The following MXRA7 variants were observed in gnomAD, a reference collection of about 807,000 sequenced individuals.
MXRA7 encodes matrix-remodeling-associated protein 7.
MXRA7 carries 18 observed loss-of-function variants against 17.4 expected under a neutral mutation model. The ratio of observed to expected loss-of-function variants is 1.03; its 90% CI spans 0.71 to 1.53. The LOEUF (loss-of-function observed/expected upper bound fraction) is 1.53. MXRA7 is among the 40% of genes most tolerant of loss of function. The probability of loss-of-function intolerance (pLI) is 0.00; values close to 1 mark genes in which losing one functional copy is unlikely to be tolerated. For missense variants in MXRA7, 141 were observed against 209.3 expected, an observed-to-expected ratio of 0.67 and a Z score of 2.01; for synonymous variants, 70 against 101.7, an observed-to-expected ratio of 0.69 and a Z score of 1.87.
At chr17:76,702,891 C>CATACG (rs2076611213) in intron 1 of MXRA7, among the ~76,000 whole-genome samples, 1 of 53,122 alleles carries the variant, frequency 1.9e-5, no homozygotes, top group Non-Finnish European at 4.5e-5. Context: ...ATATATATAT[C>CATACG]TTGAGGAGGC....
At chr17:76,684,102 G>A (rs536020993) in intron 3 of MXRA7, among the ~76,000 whole-genome samples, 40 of 152,102 alleles carry the variant, frequency 2.6e-4, no homozygotes, top group African/African-American at 8.7e-4. Context: ...TGCCAGCAGC[G>A]GGAGGGGAGA....
At chr17:76,674,376 G>A (rs755383336) in exon 4 of MXRA7, 12 of 152,230 alleles carry the variant, frequency 7.9e-5, no homozygotes, top group Non-Finnish European at 1.2e-4. Flanking sequence ...AATCTCAGAT[G>A]AGGTAGCAGA....
At chr17:76,685,231 C>A in intron 2 of MXRA7, 66 bp from the exon 3 acceptor site, 1 of 1,214,890 alleles carries the variant, frequency 8.2e-7, no homozygotes. Flanking sequence ...ACCCCGGCCC[C>A]CTTTCCCTAG....
Position 76,680,831 on chromosome 17 carries a change from G to A in MXRA7, c.*36C>T. The A allele has an allele frequency of 1.2e-6, 2 of 1,605,538 alleles. No homozygotes were observed. The highest frequency in any genetic ancestry group is 3.4e-5 in the Admixed American group (2 of 58,552). On this transcript the variant is annotated 3_prime_UTR_variant, in exon 4 of 4. Transcript: ENST00000449428. ...CTCTCAAGCTTTTAAGATGCCAAAA[G>A]GAAAAGCCTTTAGGAGGACGCTAAG... is the stretch of plus-strand genomic sequence containing the variant.
intron 1 of MXRA7, among the ~76,000 whole-genome samples, chr17:76,700,062 C>T (rs989922567): frequency 1.3e-5 from 2 of 152,126 alleles, no homozygotes; most frequent in African/African-American, 4.8e-5. Context: ...TGGGTTCAAG[C>T]GATTCTCCTG....
At chr17:76,697,689 G>A (rs1035811259) in intron 1 of MXRA7, among the ~76,000 whole-genome samples, 1 of 152,176 alleles carries the variant, frequency 6.6e-6, no homozygotes, top group Admixed American at 6.5e-5. Flanking sequence ...CAAACGGGAC[G>A]TGCCTCCTGA....
At chr17:76,688,290 G>C in intron 1 of MXRA7, 114 bp from the exon 2 acceptor site, 1 of 1,521,434 alleles carries the variant, frequency 6.6e-7, no homozygotes, top group East Asian at 2.3e-5. Flanking sequence ...GCCTGCCCAC[G>C]CCCTGTGGCA....
chr17:76,694,040 C>T (rs1224667105), intron 1 of MXRA7, among the ~76,000 whole-genome samples: 1 of 152,326 alleles, frequency 6.6e-6, no homozygotes, highest in South Asian at 2.1e-4. Context: ...CCTTGAATCC[C>T]GTGGCCCCAG....
intron 1 of MXRA7, among the ~76,000 whole-genome samples, chr17:76,706,447 A>AAAGGACCACACTGCCATCAC (rs2076662687): frequency 2.3e-5 from 3 of 132,908 alleles, no homozygotes; most frequent in African/African-American, 9.3e-5. Flanking sequence ...ACTGCCATCA[A>AAAGGACCACACTGCCATCAC]AAAGGACCAC....
At chr17:76,696,520 T>TA (rs1168955308) in intron 1 of MXRA7, among the ~76,000 whole-genome samples, 1 of 151,352 alleles carries the variant, frequency 6.6e-6, no homozygotes, top group Admixed American at 6.6e-5. Context: ...ACCCTGCCTC[T>TA]AAAAAAATAA....
At chr17:76,701,493 CG>C (rs1205161623) in intron 1 of MXRA7, among the ~76,000 whole-genome samples, 1 of 151,786 alleles carries the variant, frequency 6.6e-6, no homozygotes, top group African/African-American at 2.4e-5. Context: ...GAGAGCTGGG[CG>C]TATAGATGTG....
intron 2 of MXRA7, 114 bp downstream of exon 2, chr17:76,687,999 T>TACCACCCCAAACCAC: frequency 1.2e-6 from 1 of 801,728 alleles, no homozygotes; most frequent in Non-Finnish European, 2.0e-6. Context: ...CAGGCCACTG[T>TACCACCCCAAACCAC]CCCACCCCAT....
chr17:76,702,664 G>A (rs546455129), intron 1 of MXRA7, among the ~76,000 whole-genome samples: 1 of 151,776 alleles, frequency 6.6e-6, no homozygotes, highest in Non-Finnish European at 1.5e-5. Context: ...AGCCTGGCCT[G>A]TAACACGCGA....
intron 1 of MXRA7, among the ~76,000 whole-genome samples, chr17:76,704,382 T>G (rs2076631032): frequency 6.6e-6 from 1 of 150,462 alleles, no homozygotes; most frequent in Non-Finnish European, 1.5e-5. Context: ...ATTTTTTGTA[T>G]TTTTAGTAGA....
chr17:76,692,431 T>C (rs552257447), intron 1 of MXRA7, among the ~76,000 whole-genome samples: 8 of 152,076 alleles, frequency 5.3e-5, no homozygotes, highest in African/African-American at 1.9e-4. Flanking sequence ...TTTTGTATTT[T>C]TAGTAGAGAT....
At chr17:76,684,596 C>A in intron 3 of MXRA7, 1 of 376,712 alleles carries the variant, frequency 2.7e-6, no homozygotes, top group Non-Finnish European at 5.2e-6. Context: ...AGCTGCACTG[C>A]CCGGAGCTAC....
rs535559477 is a variant in MXRA7, at chr17:76,700,525, G to C, written c.342+10080C>G. Among the ~76,000 whole-genome samples the C allele has an allele frequency of 2.6e-5, 4 of 152,330 alleles. No homozygotes were observed. The South Asian group carries it at 8.3e-4, about 32-fold the overall frequency. ...CAGGCCTGGGCAGGGACAGAAACAAGATACCTTCCTGCTGCCCCAGGTGGG... is the reference window on the plus strand; with the variant it reads ...CAGGCCTGGGCAGGGACAGAAACAACATACCTTCCTGCTGCCCCAGGTGGG... On this transcript the variant is annotated intron_variant, in intron 1 of 3. Coordinates refer to ENST00000449428, the MANE Select transcript of MXRA7 (RefSeq NM_198530.4).
At chr17:76,706,113 A>G (rs1341595241) in intron 1 of MXRA7, among the ~76,000 whole-genome samples, 28 of 132,700 alleles carry the variant, frequency 2.1e-4, no homozygotes, top group African/African-American at 2.8e-4. Flanking sequence ...TGCCATCACA[A>G]AGGCCCACGC....
intron 1 of MXRA7, chr17:76,689,678 T>C (rs1047410108): frequency 1.2e-4 from 18 of 152,126 alleles, no homozygotes; most frequent in African/African-American, 3.9e-4. Flanking sequence ...CATCAGGATT[T>C]TTATATAATG....
Sources: gnomAD v4.1 joint callset for allele counts (sites outside exome capture counted in the v4.1 genomes callset) on GRCh38, gnomAD v4.1.1 for gene constraint, MANE v1.5 for transcripts, NCBI Gene and HGNC (gene_info 2026-07-23, HGNC 2026-07-21) for gene names.